GPC5: variants seen among roughly 807,000 people sequenced by gnomAD.
The protein encoded by GPC5 is glypican-5.
GPC5 carries 47 observed loss-of-function variants against 53.9 expected under a neutral mutation model. The ratio of observed to expected loss-of-function variants is 0.87; its 90% CI spans 0.69 to 1.11. The LOEUF (loss-of-function observed/expected upper bound fraction) is 1.11, where lower values mean the gene tolerates loss of function less well. GPC5 is among the 50% of genes most tolerant of loss of function. The probability of loss-of-function intolerance (pLI) is 0.00; values close to 1 mark genes in which losing one functional copy is unlikely to be tolerated. For synonymous variants in GPC5, 286 were observed against 263.3 expected, an observed-to-expected ratio of 1.09 and a Z score of -0.84; for missense variants, 748 against 713.1, an observed-to-expected ratio of 1.05 and a Z score of -0.56.
intron 7 of GPC5, among the ~76,000 whole-genome samples, chr13:92,427,618 C>T (rs988423167): frequency 6.6e-6 from 1 of 151,870 alleles, no homozygotes; most frequent in African/African-American, 2.4e-5. Flanking sequence ...GGTAAAGGCT[C>T]AGGAAGTATT....
intron 7 of GPC5, among the ~76,000 whole-genome samples, chr13:92,417,615 G>C (rs992432921): frequency 6.6e-6 from 1 of 152,196 alleles, no homozygotes; most frequent in Admixed American, 6.5e-5. Flanking sequence ...GCTCATGGTT[G>C]TAGTCCCAGC....
chr13:92,534,216 G>A (rs902697358), intron 7 of GPC5, among the ~76,000 whole-genome samples: 4 of 152,126 alleles, frequency 2.6e-5, no homozygotes, highest in African/African-American at 9.7e-5. Flanking sequence ...GAGCCTGGGA[G>A]GAAAAGGTTG....
At chr13:91,687,110 C>T (rs1404897165) in intron 2 of GPC5, among the ~76,000 whole-genome samples, 5 of 151,894 alleles carry the variant, frequency 3.3e-5, no homozygotes, top group South Asian at 2.1e-4. Context: ...AATATAAGTA[C>T]ATGTCATGCC....
chr13:91,747,631 G>A (rs943470388), intron 4 of GPC5, among the ~76,000 whole-genome samples: 10 of 110,560 alleles, frequency 9.0e-5, no homozygotes, highest in Non-Finnish European at 1.3e-4. Context: ...TCATTGTAGC[G>A]ATGTATCTGG....
chr13:91,840,187 T>C, intron 5 of GPC5, among the ~76,000 whole-genome samples: 1 of 152,140 alleles, frequency 6.6e-6, no homozygotes. Context: ...CAATGAAATA[T>C]TATATTTTTT....
chr13:91,825,554 A>T (rs965376082), intron 5 of GPC5, among the ~76,000 whole-genome samples: 7 of 152,150 alleles, frequency 4.6e-5, no homozygotes, highest in African/African-American at 1.2e-4. Context: ...GAAAATTATA[A>T]ACCCTGGGGA....
chr13:92,097,562 C>T (rs1184498750), intron 6 of GPC5, among the ~76,000 whole-genome samples: 5 of 152,060 alleles, frequency 3.3e-5, no homozygotes, highest in East Asian at 1.9e-4. Context: ...ATCATCTCAG[C>T]GGAAACTAAA....
intron 7 of GPC5, among the ~76,000 whole-genome samples, chr13:92,777,435 C>A (rs1875856821): frequency 6.6e-6 from 1 of 151,346 alleles, no homozygotes; most frequent in Admixed American, 6.6e-5. Flanking sequence ...GAGATTGAGA[C>A]TAGCCTGGCC....
chr13:91,445,386 TC>T (rs1880721151), intron 1 of GPC5, among the ~76,000 whole-genome samples: 1 of 152,152 alleles, frequency 6.6e-6, no homozygotes, highest in African/African-American at 2.4e-5. Context: ...AAAGGGGTGA[TC>T]GACACCCCAG....
intron 7 of GPC5, among the ~76,000 whole-genome samples, chr13:92,351,173 A>AAAAT (rs2043474078): frequency 1.3e-5 from 2 of 151,882 alleles, no homozygotes; most frequent in African/African-American, 4.8e-5. Flanking sequence ...AAACCCTAAC[A>AAAAT]AAATATACGT....
intron 5 of GPC5, among the ~76,000 whole-genome samples, chr13:91,894,323 GCAGTAAAGTCAGT>G (rs1237707616): frequency 6.6e-6 from 1 of 151,992 alleles, no homozygotes; most frequent in Non-Finnish European, 1.5e-5. Context: ...TTCAACACTT[GCAGTAAAGTCAGT>G]AGATTCAAAG....
At chr13:92,077,835 G>A (rs1317963326) in intron 6 of GPC5, among the ~76,000 whole-genome samples, 2 of 152,116 alleles carry the variant, frequency 1.3e-5, no homozygotes, top group East Asian at 1.9e-4. Flanking sequence ...AAGAAATGAA[G>A]CTGGAAATCT....
intron 6 of GPC5, among the ~76,000 whole-genome samples, chr13:91,952,017 A>C (rs1255995201): frequency 6.6e-6 from 1 of 152,124 alleles, no homozygotes; most frequent in Admixed American, 6.5e-5. Flanking sequence ...ATGATGACTA[A>C]CTGAATTATT....
intron 6 of GPC5, among the ~76,000 whole-genome samples, chr13:92,054,163 T>A (rs945815819): frequency 6.6e-6 from 1 of 150,992 alleles, no homozygotes; most frequent in Non-Finnish European, 1.5e-5. Context: ...TGTGTGTGTG[T>A]GTGTGTGTGT....
intron 7 of GPC5, among the ~76,000 whole-genome samples, chr13:92,209,472 T>A (rs866545988): frequency 5.3e-5 from 8 of 151,876 alleles, no homozygotes; most frequent in Admixed American, 2.6e-4. Flanking sequence ...CACTCTCCTG[T>A]ATATAATGAT....
intron 4 of GPC5, 104 bp downstream of exon 4, chr13:91,728,769 C>CAAAA: frequency 1.3e-6 from 1 of 756,794 alleles, no homozygotes; most frequent in Non-Finnish European, 1.8e-6. Flanking sequence ...TCAATATGGA[C>CAAAA]AAAAAAAAAA....
chr13:92,295,031 T>C (rs1016937958), intron 7 of GPC5, among the ~76,000 whole-genome samples: 7 of 151,996 alleles, frequency 4.6e-5, no homozygotes, highest in Non-Finnish European at 8.8e-5. Flanking sequence ...GGTTTCACCA[T>C]GTTGGCCAGG....
At chr13:92,716,814 GAAAC>G (rs994110576) in intron 7 of GPC5, among the ~76,000 whole-genome samples, 1 of 152,096 alleles carries the variant, frequency 6.6e-6, no homozygotes, top group African/African-American at 2.4e-5. Flanking sequence ...ATTCTATGCT[GAAAC>G]AAACAACAGC....
chr13:92,180,269 T>C (rs1482219262), intron 7 of GPC5, among the ~76,000 whole-genome samples: 1 of 152,234 alleles, frequency 6.6e-6, no homozygotes, highest in African/African-American at 2.4e-5. Flanking sequence ...TTAATTTCAT[T>C]TCCAATTGTT....
Sources: allele counts gnomAD v4.1 joint callset (sites outside exome capture counted in the v4.1 genomes callset), GRCh38; gene constraint gnomAD v4.1.1; transcripts MANE v1.5; gene names NCBI Gene and HGNC (gene_info 2026-07-23, HGNC 2026-07-21).